The following CSMD1 variants were observed in gnomAD, a reference collection of about 807,000 sequenced individuals.
CSMD1 encodes the protein CUB and sushi domain-containing protein 1.
A neutral mutation model predicts 417.5 loss-of-function variants in CSMD1; 213 were observed. The ratio of observed to expected loss-of-function variants is 0.51; its 90% CI spans 0.46 to 0.57. CSMD1 has a LOEUF of 0.57. Among genes scored for constraint, CSMD1 ranks in the 20% least tolerant of loss-of-function variants. CSMD1 has a pLI of 0.00. For synonymous variants in CSMD1, 2,862 were observed against 1,736.8 expected, an observed-to-expected ratio of 1.65 and a Z score of -16.11; for missense variants, 6,923 against 4,529.7, an observed-to-expected ratio of 1.53 and a Z score of -15.17.
At chr8:3,174,952 A>G (rs1820812682) in intron 37 of CSMD1, among the ~76,000 whole-genome samples, 1 of 152,124 alleles carries the variant, frequency 6.6e-6, no homozygotes, top group African/African-American at 2.4e-5. Context: ...TTCATGACAT[A>G]TTTTTTCACT....
chr8:3,037,716 C>G (rs1357066191), intron 50 of CSMD1, among the ~76,000 whole-genome samples: 1 of 152,044 alleles, frequency 6.6e-6, no homozygotes, highest in African/African-American at 2.4e-5. Context: ...CGAAATGATT[C>G]CTAAATGAGT....
chr8:4,732,925 C>T (rs912719354), intron 1 of CSMD1, among the ~76,000 whole-genome samples: 2 of 151,906 alleles, frequency 1.3e-5, no homozygotes, highest in Non-Finnish European at 2.9e-5. Context: ...CAGAGGAGAT[C>T]GGGAGGCAGC....
intron 3 of CSMD1, among the ~76,000 whole-genome samples, chr8:4,331,110 G>C (rs1799846277): frequency 1.3e-5 from 2 of 152,110 alleles, no homozygotes; most frequent in Admixed American, 6.6e-5. Context: ...ATAGCAAAAT[G>C]AAAATATATT....
intron 3 of CSMD1, among the ~76,000 whole-genome samples, chr8:4,212,272 T>TA (rs1230212901): frequency 6.6e-6 from 1 of 151,838 alleles, no homozygotes; most frequent in Admixed American, 6.6e-5. Context: ...CTCAGATAAA[T>TA]ACTATTCTAC....
chr8:3,134,530 T>C (rs1185691234), intron 41 of CSMD1, among the ~76,000 whole-genome samples: 2 of 151,752 alleles, frequency 1.3e-5, no homozygotes, highest in Admixed American at 1.3e-4. Context: ...GTGATCGGAG[T>C]TTTCCCACAG....
chr8:4,663,302 A>G (rs1038149141), intron 1 of CSMD1, among the ~76,000 whole-genome samples: 16 of 152,216 alleles, frequency 1.1e-4, no homozygotes, highest in Admixed American at 8.5e-4. Flanking sequence ...AACATTGGAC[A>G]AAGCCCATCT....
At chr8:3,429,135 C>G (rs1814046385) in intron 12 of CSMD1, among the ~76,000 whole-genome samples, 1 of 152,112 alleles carries the variant, frequency 6.6e-6, no homozygotes, top group South Asian at 2.1e-4. Context: ...AGGGTGATTA[C>G]ACTTAACAAT....
At chr8:4,317,450 G>C (rs1798999503) in intron 3 of CSMD1, among the ~76,000 whole-genome samples, 1 of 152,146 alleles carries the variant, frequency 6.6e-6, no homozygotes, top group African/African-American at 2.4e-5. Flanking sequence ...TAATGTAACA[G>C]ATGTCTATAC....
intron 10 of CSMD1, among the ~76,000 whole-genome samples, chr8:3,502,434 T>C (rs185129036): frequency 9.7e-4 from 148 of 151,846 alleles, no homozygotes; most frequent in Middle Eastern, 3.5e-3. Context: ...AGCAACTTTA[T>C]TCATAATCGC....
chr8:4,157,814 T>A (rs1436272115), intron 3 of CSMD1, among the ~76,000 whole-genome samples: 1 of 152,166 alleles, frequency 6.6e-6, no homozygotes, highest in African/African-American at 2.4e-5. Flanking sequence ...TTGGTCCAGC[T>A]TTAGTCAGTC....
intron 1 of CSMD1, among the ~76,000 whole-genome samples, chr8:4,883,713 A>C (rs566303138): frequency 3.0e-4 from 46 of 152,064 alleles, no homozygotes; most frequent in African/African-American, 1.0e-3. Context: ...TATTTTGTGT[A>C]TTTATTCTTT....
rs780893077 is a variant in CSMD1 at position 3,950,571 on chromosome 8, T to C, written c.818+47332A>G. The stretch of plus-strand genomic sequence containing the variant: ...TCAATACAAGCGTTCCGCTTGCCCA[T>C]AGCAATATTGCGTGAAATATGAAAC... On this transcript the variant is annotated intron_variant, in intron 5 of 69. Coordinates refer to ENST00000635120, the MANE Select transcript of CSMD1 (RefSeq NM_033225.6). Among the ~76,000 whole-genome samples the C allele has an allele frequency of 3.3e-4, 50 of 152,218 alleles. 1 individual carries two copies. The highest frequency in any genetic ancestry group is 2.9e-5 in the Non-Finnish European group (2 of 68,042).
intron 2 of CSMD1, among the ~76,000 whole-genome samples, chr8:4,503,182 C>T (rs1490827113): frequency 2.0e-5 from 3 of 152,196 alleles, no homozygotes; most frequent in South Asian, 4.1e-4. Context: ...TCTTATCATC[C>T]GTCTAAGCCA....
intron 3 of CSMD1, among the ~76,000 whole-genome samples, chr8:4,145,970 T>C (rs1259517577): frequency 6.6e-6 from 1 of 150,928 alleles, no homozygotes; most frequent in African/African-American, 2.5e-5. Context: ...CCGCTGTCAT[T>C]TGTAGACAGG....
chr8:3,445,495 C>T (rs780021219), intron 12 of CSMD1, among the ~76,000 whole-genome samples: 2 of 152,098 alleles, frequency 1.3e-5, no homozygotes, highest in Admixed American at 1.3e-4. Flanking sequence ...TGGAACCAAG[C>T]CTCTATAGCT....
At chr8:3,984,796 G>C (rs951569709) in intron 5 of CSMD1, among the ~76,000 whole-genome samples, 3 of 144,554 alleles carry the variant, frequency 2.1e-5, no homozygotes, top group Non-Finnish European at 4.5e-5. Flanking sequence ...GGTGTAAAGG[G>C]AGATCACACA....
At chr8:3,596,188 G>A (rs1157564562) in intron 8 of CSMD1, among the ~76,000 whole-genome samples, 1 of 152,134 alleles carries the variant, frequency 6.6e-6, no homozygotes, top group Admixed American at 6.5e-5. Flanking sequence ...AGGAAGCAGA[G>A]CTCCAGCAGC....
Position 3,994,555 on chromosome 8 carries a change from T to C in CSMD1, c.818+3348A>G, listed in dbSNP as rs979664812. ...ACCATGCTATAAAGTGAACTCAAAA[T>C]GGCAACTCTCTGTTAAAGCAAGGGA... is the stretch of plus-strand genomic sequence containing the variant. On this transcript the variant is annotated intron_variant, in intron 5 of 69. Transcript: ENST00000635120. Among the ~76,000 whole-genome samples, 11 of 150,450 alleles carry C rather than the reference T, an allele frequency of 7.3e-5. 1 individual carries two copies. The highest frequency in any genetic ancestry group is 4.0e-4 in the Admixed American group (6 of 15,052).
rs200679428 is a variant in CSMD1, at chr8:3,450,565, GT to G, written c.1561+18146del. On this transcript the variant is annotated intron_variant, in intron 12 of 69. Coordinates refer to ENST00000635120, the MANE Select transcript of CSMD1 (RefSeq NM_033225.6). Reference sequence around the variant, plus strand: ...CTATCAATGAGAACATGCAGTGTTTGTTTTTTTTTTGTCTTTGTGATAGTTT... The same window carrying G: ...CTATCAATGAGAACATGCAGTGTTTGTTTTTTTTTGTCTTTGTGATAGTTT... Among the ~76,000 whole-genome samples, 49 of 144,888 alleles carry G rather than the reference GT, an allele frequency of 3.4e-4. No individual in the cohort carries two copies. The East Asian group carries it at 5.9e-3, about 17-fold the overall frequency.
Sources: allele counts gnomAD v4.1 joint callset (sites outside exome capture counted in the v4.1 genomes callset), GRCh38; gene constraint gnomAD v4.1.1; transcripts MANE v1.5; gene names NCBI Gene and HGNC (gene_info 2026-07-23, HGNC 2026-07-21).